HOGA1: variants seen among roughly 807,000 people sequenced by gnomAD.
The protein encoded by HOGA1 is 4-hydroxy-2-oxoglutarate aldolase, mitochondrial.
HOGA1 carries 30 observed loss-of-function variants against 34.3 expected under a neutral mutation model. That is an observed-to-expected ratio of 0.87 (90% confidence interval 0.65 to 1.19). HOGA1 has a LOEUF of 1.19. Ranked by LOEUF, HOGA1 falls within the 50% of genes most tolerant of loss-of-function variation. The pLI is 0.00. For missense variants in HOGA1, 417 were observed against 436.5 expected, an observed-to-expected ratio of 0.96 and a Z score of 0.40; for synonymous variants, 161 against 174.0, an observed-to-expected ratio of 0.93 and a Z score of 0.59.
intron 1 of HOGA1, among the ~76,000 whole-genome samples, chr10:97,598,266 G>A (rs2041086271): frequency 6.6e-6 from 1 of 152,168 alleles, no homozygotes; most frequent in Non-Finnish European, 1.5e-5. Flanking sequence ...GAAATTATAG[G>A]TGTGAGCCAC....
chr10:97,605,100 G>A (rs2041146973), intron 6 of HOGA1, among the ~76,000 whole-genome samples: 1 of 152,090 alleles, frequency 6.6e-6, no homozygotes, highest in Non-Finnish European at 1.5e-5. Flanking sequence ...TAGGGTAGTG[G>A]TATGTTTCAT....
chr10:97,586,993 C>T (rs1000632142), intron 1 of HOGA1, among the ~76,000 whole-genome samples: 10 of 152,162 alleles, frequency 6.6e-5, no homozygotes, highest in African/African-American at 2.4e-4. Context: ...ACCACTTAAC[C>T]TTTCAAATCC....
In HOGA1 at chr10:97,585,687, A is replaced by C. The variant is rs548141065; in HGVS notation, c.211+773A>C. 9.6e-4 allele frequency among the ~76,000 whole-genome samples: 146 copies of C among 152,218 alleles called. 2 individuals are homozygous for C. Among genetic ancestry groups the C allele is most frequent in the African/African-American group, 3.3e-3 (137 of 41,516 alleles). On this transcript the variant is annotated intron_variant, in intron 1 of 6. Coordinates refer to ENST00000370646, the MANE Select transcript of HOGA1 (RefSeq NM_138413.4). ...AACACATAGCTGAGCTGAGGTTTGCACCTCGTCTGACTGCATGGCCCATGC... is the reference window on the plus strand; with the variant it reads ...AACACATAGCTGAGCTGAGGTTTGCCCCTCGTCTGACTGCATGGCCCATGC...
At position 97,591,817 on chromosome 10, in the gene HOGA1, TTGTG is replaced by T. The variant is rs56742680; in HGVS notation, c.212-6919_212-6916del. Among the ~76,000 whole-genome samples, 636 of 111,064 alleles carry T rather than the reference TTGTG, an allele frequency of 5.7e-3. 7 individuals carry two copies. The highest frequency in any genetic ancestry group is 0.014 in the South Asian group (44 of 3,086). 72.9% of individuals were successfully genotyped at this position (111,064 alleles called of 152,430 possible). On this transcript the variant is annotated intron_variant, in intron 1 of 6. Transcript: ENST00000370646. ...TTTTTTTTTTTTCTTTTCTTTCATT[TTGTG>T]TGTGTGTGTGTGTGTGTGTGTGTGT...
chr10:97,611,701 T>A lies in HOGA1; in HGVS notation c.*42T>A. The A allele has an allele frequency of 2.5e-6, 4 of 1,593,022 alleles. No homozygotes were observed. Among genetic ancestry groups the A allele is most frequent in the Non-Finnish European group, 3.4e-6 (4 of 1,172,608 alleles). Reference sequence around the variant, plus strand: ...TGGCTGGCCTGAGCCCATCTCAGCCTCCTGCCTTGCACTTGCAGCCTGAAG... The same window carrying A: ...TGGCTGGCCTGAGCCCATCTCAGCCACCTGCCTTGCACTTGCAGCCTGAAG... On this transcript the variant is annotated 3_prime_UTR_variant, in exon 7 of 7. Transcript: ENST00000370646.
intron 3 of HOGA1, 88 bp downstream of exon 3, chr10:97,599,304 C>T (rs149862604): frequency 1.3e-4 from 198 of 1,514,132 alleles, no homozygotes; most frequent in African/African-American, 2.6e-4. Flanking sequence ...TTCACATGAA[C>T]GGCAGCTATA....
intron 6 of HOGA1, among the ~76,000 whole-genome samples, chr10:97,609,996 T>C (rs1476283236): frequency 6.6e-6 from 1 of 152,240 alleles, no homozygotes; most frequent in Non-Finnish European, 1.5e-5. Flanking sequence ...CTTTTATTTT[T>C]ATCCTCCTAA....
Position 97,584,988 on chromosome 10 carries a change from A to ACAGGCTCTGT in HOGA1, c.211+77_211+86dup, listed in dbSNP as rs558461907. Reference sequence around the variant, plus strand: ...TTAGCCAGAGACCAAGGGAGGGTACACAGGCTCTGTCAAGCTGTCCAGGGA... The same window carrying ACAGGCTCTGT: ...TTAGCCAGAGACCAAGGGAGGGTACACAGGCTCTGTCAGGCTCTGTCAAGCTGTCCAGGGA... On this transcript the variant is annotated intron_variant, in intron 1 of 6. Transcript: ENST00000370646. The ACAGGCTCTGT allele has an allele frequency of 7.5e-4, 952 of 1,277,310 alleles. 16 individuals are homozygous for ACAGGCTCTGT. The Middle Eastern group carries it at 8.2e-3, about 11-fold the overall frequency. The allele number at this position is 1,277,310 out of a possible 1,614,324, so 79.1% of individuals were successfully genotyped here.
At chr10:97,592,175 T>TA (rs2041030634) in intron 1 of HOGA1, among the ~76,000 whole-genome samples, 1 of 151,958 alleles carries the variant, frequency 6.6e-6, no homozygotes, top group East Asian at 1.9e-4. Context: ...GGTCATCATA[T>TA]TATAGCTAGG....
chr10:97,601,489 T>C (rs759611720), intron 5 of HOGA1, among the ~76,000 whole-genome samples: 9 of 152,140 alleles, frequency 5.9e-5, no homozygotes, highest in Non-Finnish European at 1.2e-4. Context: ...TCCTACCCTC[T>C]TACAGGACTG....
intron 5 of HOGA1, among the ~76,000 whole-genome samples, chr10:97,601,558 T>G (rs1245160650): frequency 6.6e-6 from 1 of 152,158 alleles, no homozygotes; most frequent in Non-Finnish European, 1.5e-5. Flanking sequence ...GGGATTTTAT[T>G]CCGGGAGGGG....
At chr10:97,587,982 T>C (rs1326071288) in intron 1 of HOGA1, among the ~76,000 whole-genome samples, 2 of 151,768 alleles carry the variant, frequency 1.3e-5, no homozygotes. Context: ...GGCTAATTTT[T>C]TGTATTTTTA....
At chr10:97,586,649 G>T (rs955223441) in intron 1 of HOGA1, among the ~76,000 whole-genome samples, 4 of 152,176 alleles carry the variant, frequency 2.6e-5, no homozygotes, top group African/African-American at 9.6e-5. Context: ...GGTGGGGAGG[G>T]TGGACTTTGC....
chr10:97,611,380 T>G, intron 6 of HOGA1, 130 bp from the exon 7 acceptor site: 1 of 992,994 alleles, frequency 1.0e-6, no homozygotes, highest in Non-Finnish European at 1.6e-6. Flanking sequence ...CTGGGTGCCA[T>G]AGAGTTGGCA....
chr10:97,602,288 T>C, intron 6 of HOGA1: 1 of 1,355,596 alleles, frequency 7.4e-7, no homozygotes, highest in South Asian at 1.4e-5. Flanking sequence ...TGTGTGATTG[T>C]GACAGAGTAA....
chr10:97,608,803 C>A (rs115505466), intron 6 of HOGA1, among the ~76,000 whole-genome samples: 17 of 149,008 alleles, frequency 1.1e-4, no homozygotes, highest in East Asian at 4.0e-4. Flanking sequence ...GGGACTGTTT[C>A]AAAAAAAAAA....
chr10:97,585,051 G>A, intron 1 of HOGA1, 137 bp downstream of exon 1: 2 of 721,702 alleles, frequency 2.8e-6, no homozygotes, highest in Non-Finnish European at 4.8e-6. Flanking sequence ...TTATGGGAGA[G>A]GAACAGGGGA....
chr10:97,599,968 A>C, intron 4 of HOGA1, 99 bp from the exon 5 acceptor site: 1 of 1,486,526 alleles, frequency 6.7e-7, no homozygotes, highest in South Asian at 1.1e-5. Context: ...TCTTGAGGGC[A>C]TCTCTTTGAG....
At chr10:97,596,652 G>A (rs539725019) in intron 1 of HOGA1, among the ~76,000 whole-genome samples, 2 of 148,936 alleles carry the variant, frequency 1.3e-5, no homozygotes, top group Non-Finnish European at 2.9e-5. Flanking sequence ...CCACAGGAGC[G>A]AGAAGCTGTG....
Sources: gnomAD v4.1 joint callset for allele counts (sites outside exome capture counted in the v4.1 genomes callset) on GRCh38, gnomAD v4.1.1 for gene constraint, MANE v1.5 for transcripts, NCBI Gene and HGNC (gene_info 2026-07-23, HGNC 2026-07-21) for gene names.